PTPDC1: variants seen among roughly 807,000 people sequenced by gnomAD.
The protein encoded by PTPDC1 is protein tyrosine phosphatase domain-containing protein 1.
In PTPDC1, 53 loss-of-function variants were observed where a neutral mutation model predicts 75.3. The ratio of observed to expected loss-of-function variants is 0.70; its 90% CI spans 0.56 to 0.88. The LOEUF (loss-of-function observed/expected upper bound fraction) is 0.88. PTPDC1 is among the 40% of genes least tolerant of loss of function. The pLI, the probability that PTPDC1 is intolerant of heterozygous loss-of-function variation, is 0.00. For synonymous variants in PTPDC1, 349 were observed against 366.2 expected (o/e 0.95, Z 0.54); for missense variants, 925 against 998.6 (o/e 0.93, Z 0.99).
intron 1 of PTPDC1, among the ~76,000 whole-genome samples, chr9:94,043,847 A>C (rs189878987): frequency 7.9e-4 from 120 of 152,342 alleles, no homozygotes; most frequent in African/African-American, 2.8e-3. Flanking sequence ...ATTTTTATGT[A>C]AGGTGTGAGT....
At chr9:94,034,146 T>G (rs72618199) in intron 1 of PTPDC1, among the ~76,000 whole-genome samples, 7,456 of 152,278 alleles carry the variant, frequency 0.049, 266 homozygotes, top group East Asian at 0.15. Flanking sequence ...AATATGTTCC[T>G]CACTGAGTTT....
intron 2 of PTPDC1, among the ~76,000 whole-genome samples, chr9:94,075,311 T>C (rs1826648018): frequency 6.6e-6 from 1 of 152,198 alleles, no homozygotes; most frequent in South Asian, 2.1e-4. Flanking sequence ...GATCCATGTT[T>C]ATCTCTCCGA....
chr9:94,083,236 G>C (rs1311007592), upstream of PTPDC1, among the ~76,000 whole-genome samples: 1 of 152,174 alleles, frequency 6.6e-6, no homozygotes, highest in Admixed American at 6.5e-5. Flanking sequence ...GGTCCTGAGG[G>C]CCTTGCCTAG....
upstream of PTPDC1, among the ~76,000 whole-genome samples, chr9:94,082,198 A>T (rs1013036771): frequency 1.3e-5 from 2 of 152,260 alleles, no homozygotes; most frequent in African/African-American, 4.8e-5. Flanking sequence ...TGTCACAAAA[A>T]GTAGAGAACA....
rs371135500 is a variant in PTPDC1, at chr9:94,046,187, C to A, written c.-7+15060C>A. Among the ~76,000 whole-genome samples the A allele has an allele frequency of 3.9e-5, 6 of 152,278 alleles. No homozygotes were observed. In the East Asian group the frequency reaches 5.8e-4, roughly 15 times the overall value. ...TGGCATTATTTCTGAGGGCTCTGTT[C>A]TGTTCCATTGGTCTATATCTCTGCT... On this transcript the variant is annotated intron_variant, in intron 1 of 9. Transcript: ENST00000375360.
intron 4 of PTPDC1, among the ~76,000 whole-genome samples, chr9:94,088,602 T>G (rs1295862347): frequency 2.0e-5 from 3 of 152,162 alleles, no homozygotes; most frequent in Non-Finnish European, 4.4e-5. Context: ...CACACGGGGC[T>G]TAGAGAATTA....
rs1046915725 is a variant in PTPDC1 at position 94,107,974 on chromosome 9, A to G, written c.*30A>G. 4 of 1,324,714 alleles carry G rather than the reference A, an allele frequency of 3.0e-6. No homozygotes were observed. In the African/African-American group the frequency reaches 4.4e-5, roughly 15 times the overall value. 82.1% of individuals were successfully genotyped at this position (1,324,714 alleles called of 1,614,324 possible). A position where few individuals can be genotyped will look rare whatever the true frequency, so the allele number is the denominator to read the frequency against. On this transcript the variant is annotated 3_prime_UTR_variant, in exon 9 of 9. Transcript: ENST00000620992. ...CACTCGTGGTGAATATTTCAGACCT[A>G]AAGATCCAGATAGTATCTCTGTTCA...
intron 1 of PTPDC1, among the ~76,000 whole-genome samples, chr9:94,052,394 A>G (rs1433790687): frequency 6.6e-6 from 1 of 152,026 alleles, no homozygotes; most frequent in Non-Finnish European, 1.5e-5. Context: ...ATTGTGTTCT[A>G]TCTTGGTGAC....
intron 5 of PTPDC1, among the ~76,000 whole-genome samples, chr9:94,096,495 G>C (rs1040081317): frequency 2.0e-5 from 3 of 152,098 alleles, no homozygotes; most frequent in African/African-American, 7.2e-5. Flanking sequence ...TCACACAGGT[G>C]TATTTGATTT....
intron 7 of PTPDC1, 22 bp from the exon 8 acceptor site, chr9:94,104,253 A>G: frequency 1.3e-6 from 2 of 1,578,014 alleles, no homozygotes; most frequent in Non-Finnish European, 1.7e-6. Flanking sequence ...AATTTTTTAA[A>G]TTTTGATTTC....
chr9:94,099,645 T>C (rs1330409281), intron 6 of PTPDC1, among the ~76,000 whole-genome samples: 2 of 152,246 alleles, frequency 1.3e-5, no homozygotes, highest in African/African-American at 4.8e-5. Context: ...CCAAAATGAA[T>C]TGTTTTCTTT....
At chr9:94,074,485 G>A (rs915898733) in intron 2 of PTPDC1, among the ~76,000 whole-genome samples, 2 of 152,146 alleles carry the variant, frequency 1.3e-5, no homozygotes, top group African/African-American at 4.8e-5. Context: ...TCTGCAAGGT[G>A]TGACTGAAGC....
chr9:94,040,152 G>C (rs1825387790), intron 1 of PTPDC1, among the ~76,000 whole-genome samples: 1 of 152,010 alleles, frequency 6.6e-6, no homozygotes, highest in African/African-American at 2.4e-5. Context: ...TGCCAGCTCA[G>C]GTAAACTGGG....
intron 2 of PTPDC1, among the ~76,000 whole-genome samples, chr9:94,069,197 T>C (rs1022414024): frequency 5.3e-5 from 8 of 152,176 alleles, no homozygotes; most frequent in Non-Finnish European, 1.2e-4. Context: ...CTGGGAAATA[T>C]GTGTTCATAC....
chr9:94,056,998 C>T (rs996989951), intron 1 of PTPDC1, among the ~76,000 whole-genome samples: 1 of 152,140 alleles, frequency 6.6e-6, no homozygotes, highest in African/African-American at 2.4e-5. Flanking sequence ...TATTCAAACC[C>T]TTCTCTCCTG....
At chr9:94,049,377 C>T (rs1825715722) in intron 1 of PTPDC1, among the ~76,000 whole-genome samples, 1 of 152,128 alleles carries the variant, frequency 6.6e-6, no homozygotes, top group Non-Finnish European at 1.5e-5. Flanking sequence ...ATGCTTAGTG[C>T]TTCCTTCAGG....
chr9:94,039,183 A>C (rs1468789119), intron 1 of PTPDC1, among the ~76,000 whole-genome samples: 1 of 152,202 alleles, frequency 6.6e-6, no homozygotes, highest in African/African-American at 2.4e-5. Flanking sequence ...TGATCATAAG[A>C]CTTAAAATAA....
At chr9:94,081,514 C>T (rs565820070), upstream of PTPDC1, among the ~76,000 whole-genome samples, 1 of 152,140 alleles carries the variant, frequency 6.6e-6, no homozygotes, top group Non-Finnish European at 1.5e-5. Context: ...TGTGACAGAG[C>T]AAGGTGCTGT....
intron 1 of PTPDC1, among the ~76,000 whole-genome samples, chr9:94,057,135 C>T (rs1231051731): frequency 1.3e-5 from 2 of 152,110 alleles, no homozygotes; most frequent in Non-Finnish European, 2.9e-5. Context: ...TGCAGTGACG[C>T]GATTACAGCT....
Sources: gnomAD v4.1 joint callset for allele counts (sites outside exome capture counted in the v4.1 genomes callset) on GRCh38, gnomAD v4.1.1 for gene constraint, MANE v1.5 for transcripts, NCBI Gene and HGNC (gene_info 2026-07-23, HGNC 2026-07-21) for gene names.